EPHA4: variants seen among roughly 807,000 people sequenced by gnomAD.
EPHA4 encodes the protein EPH receptor A4.
In EPHA4, 19 loss-of-function variants were observed where a neutral mutation model predicts 108.3. The observed-to-expected ratio is 0.18, with a 90% CI of 0.12 to 0.26. EPHA4 has a LOEUF of 0.26. Among genes scored for constraint, EPHA4 ranks in the 10% least tolerant of loss-of-function variants. EPHA4 has a pLI of 1.00. For synonymous variants in EPHA4, 449 were observed against 455.5 expected (o/e 0.99, Z 0.18); for missense variants, 917 against 1,254.0 (o/e 0.73, Z 4.06).
At chr2:221,573,627 G>T, upstream of EPHA4, 1 of 152,220 alleles carries the variant, frequency 6.6e-6, no homozygotes, top group East Asian at 1.9e-4. This position sits in a 1 kb window ranked among gnomAD's most constrained non-coding sequence, Gnocchi z 4.5. Context: ...CCCGGCGGCC[G>T]GGCGGCCGCT....
intron 3 of EPHA4, among the ~76,000 whole-genome samples, chr2:221,509,144 C>T (rs1456704508): frequency 6.6e-6 from 1 of 152,152 alleles, no homozygotes; most frequent in Non-Finnish European, 1.5e-5. Context: ...GCCTGACCAA[C>T]ATGGAGAAAA....
chr2:221,454,159 C>T (rs762794454), intron 8 of EPHA4, among the ~76,000 whole-genome samples: 23 of 151,728 alleles, frequency 1.5e-4, no homozygotes, highest in Admixed American at 8.5e-4. Flanking sequence ...CCAGCCTGGG[C>T]GACAGAGCAA....
Position 221,564,324 on chromosome 2 carries a change from T to C in EPHA4, c.230A>G (p.Glu77Gly). The C allele has an allele frequency of 6.2e-7, 1 of 1,614,160 alleles. No individual in the cohort carries two copies. The highest frequency in any genetic ancestry group is 8.5e-7 in the Non-Finnish European group (1 of 1,180,036). Residue 77 changes from glutamate to glycine, a missense_variant, in exon 3 of 18, where the codon GAA (glutamate) becomes GGA (glycine). Glu to Gly is a moderately conservative substitution (Grantham distance 98, BLOSUM62 -2). Around this residue, in one of 3 missense-constraint regions of EPHA4, gnomAD observed 758 missense variants for 1,076.7 expected, o/e 0.70. Transcript: ENST00000281821. ...IRTYQVCNVM[E>G]PSQNNWLRTD... ...TCGTAGCCAGTTATTCTGGCTGGGT[T>C]CCATCACATTGCACACTTGGTAGGT...
intron 3 of EPHA4, 84 bp from the exon 4 acceptor site, chr2:221,501,256 A>T: frequency 2.5e-6 from 3 of 1,214,134 alleles, no homozygotes; most frequent in Non-Finnish European, 3.4e-6. Context: ...TCCTTGTTTC[A>T]GAAGAAGGGA....
intron 8 of EPHA4, among the ~76,000 whole-genome samples, chr2:221,448,557 G>T (rs182002299): frequency 2.0e-5 from 3 of 151,934 alleles, no homozygotes; most frequent in African/African-American, 7.2e-5. Context: ...CTCCACCCCC[G>T]TCCTTTCCCT....
chr2:221,512,886 G>A (rs1393737440), intron 3 of EPHA4, among the ~76,000 whole-genome samples: 1 of 152,196 alleles, frequency 6.6e-6, no homozygotes, highest in Non-Finnish European at 1.5e-5. Flanking sequence ...CCTTCAGGAA[G>A]GAAGCAGACC....
intron 5 of EPHA4, among the ~76,000 whole-genome samples, chr2:221,475,120 C>T (rs1254207977): frequency 2.6e-5 from 4 of 152,144 alleles, no homozygotes; most frequent in African/African-American, 9.7e-5. Context: ...ATCCACTCGC[C>T]CTAGCCTCCC....
intron 2 of EPHA4, among the ~76,000 whole-genome samples, chr2:221,567,980 G>A (rs1218434751): frequency 6.6e-6 from 1 of 152,198 alleles, no homozygotes; most frequent in Non-Finnish European, 1.5e-5. Context: ...CATTCTGACT[G>A]GTTATTTAGG....
intron 4 of EPHA4, among the ~76,000 whole-genome samples, chr2:221,491,880 G>A (rs1189387592): frequency 6.6e-6 from 1 of 152,056 alleles, no homozygotes; most frequent in East Asian, 1.9e-4. Context: ...GCTGAGTGTG[G>A]TGGCTCGTTT....
In EPHA4 at chr2:221,527,903, A is replaced by T. The variant is rs183362338; in HGVS notation, c.824-26731T>A. Among the ~76,000 whole-genome samples the T allele has an allele frequency of 1.9e-3, 282 of 152,178 alleles. 7 individuals carry two copies. The highest frequency in any genetic ancestry group is 0.014 in the Admixed American group (210 of 15,266). ...CCAGAGCTCACAAGCTGCCCTGCAA[A>T]CCCCTCCTTTTAATATTTCGCCAAT... On this transcript the variant is annotated intron_variant, in intron 3 of 17. Coordinates refer to ENST00000281821, the MANE Select transcript of EPHA4 (RefSeq NM_004438.5).
At chr2:221,434,012 A>C in intron 14 of EPHA4, 130 bp downstream of exon 14, 6 of 818,898 alleles carry the variant, frequency 7.3e-6, no homozygotes, top group South Asian at 1.9e-5. Flanking sequence ...CTAGCTTGCT[A>C]GATATATCTG....
intron 15 of EPHA4, among the ~76,000 whole-genome samples, chr2:221,429,397 A>G (rs1378138067): frequency 6.6e-6 from 1 of 152,150 alleles, no homozygotes; most frequent in Non-Finnish European, 1.5e-5. Context: ...CTTCCCAAAC[A>G]TTCATCTGCA....
chr2:221,427,740 A>G (rs1689954346), intron 15 of EPHA4, among the ~76,000 whole-genome samples: 1 of 152,190 alleles, frequency 6.6e-6, no homozygotes, highest in Non-Finnish European at 1.5e-5. Context: ...ATTTTCAACC[A>G]AAAAACTCTT....
In EPHA4 at chr2:221,538,515, GCT is replaced by G. The variant is rs572213813; in HGVS notation, c.823+25214_823+25215del. Among the ~76,000 whole-genome samples the G allele has an allele frequency of 8.9e-4, 135 of 152,240 alleles. 1 individual carries two copies. The highest frequency in any genetic ancestry group is 6.8e-3 in the Middle Eastern group (2 of 294). On this transcript the variant is annotated intron_variant, in intron 3 of 17. Transcript: ENST00000281821. Reference sequence around the variant, plus strand: ...TGCTGAAGTGAGATAAAAACTCAAAGCTCTCTCTTTTTTTCTCCCCCAAAAGA... The same window carrying G: ...TGCTGAAGTGAGATAAAAACTCAAAGCTCTCTTTTTTTCTCCCCCAAAAGA...
intron 3 of EPHA4, among the ~76,000 whole-genome samples, chr2:221,524,960 G>T (rs1204779711): frequency 1.3e-5 from 2 of 152,084 alleles, no homozygotes; most frequent in Non-Finnish European, 2.9e-5. Flanking sequence ...GTATCCTATT[G>T]TCTTATTTAC....
chr2:221,439,644 A>G (rs565093042), intron 11 of EPHA4, among the ~76,000 whole-genome samples: 1 of 152,012 alleles, frequency 6.6e-6, no homozygotes, highest in African/African-American at 2.4e-5. Flanking sequence ...CTAGCCACCG[A>G]GCCCAGCTTG....
chr2:221,566,963 G>A (rs7589389), intron 2 of EPHA4, among the ~76,000 whole-genome samples: 5,414 of 10,428 alleles, frequency 0.52, 1,892 homozygotes, highest in African/African-American at 0.63. Context: ...AAGGGGAAGA[G>A]GAAGAGGAAG....
chr2:221,456,197 C>A (rs1266290128), intron 7 of EPHA4, among the ~76,000 whole-genome samples: 1 of 150,702 alleles, frequency 6.6e-6, no homozygotes, highest in Non-Finnish European at 1.5e-5. Flanking sequence ...GCTTATGTAA[C>A]TTGATTTAAA....
intron 4 of EPHA4, among the ~76,000 whole-genome samples, chr2:221,496,031 G>A (rs546121592): frequency 6.6e-6 from 1 of 152,294 alleles, no homozygotes; most frequent in South Asian, 2.1e-4. Context: ...CAACTGGGAA[G>A]AACTGATTAG....
Sources: allele counts gnomAD v4.1 joint callset (sites outside exome capture counted in the v4.1 genomes callset), GRCh38; gene constraint gnomAD v4.1.1; regional missense constraint gnomAD v4.1.1; non-coding constraint Gnocchi (gnomAD v3.1); transcripts MANE v1.5; gene names NCBI Gene and HGNC (gene_info 2026-07-23, HGNC 2026-07-21).